ZNF516: variants seen among roughly 807,000 people sequenced by gnomAD.
ZNF516 encodes zinc finger protein 516.
In ZNF516, 19 loss-of-function variants were observed where a neutral mutation model predicts 79.7. The ratio of observed to expected loss-of-function variants is 0.24; its 90% CI spans 0.17 to 0.35. The LOEUF (loss-of-function observed/expected upper bound fraction) is 0.35. ZNF516 is among the 10% of genes least tolerant of loss of function. The pLI, the probability that ZNF516 is intolerant of heterozygous loss-of-function variation, is 1.00. For synonymous variants in ZNF516, 877 were observed against 739.5 expected (o/e 1.19, Z -3.02); for missense variants, 1,678 against 1,679.5 (o/e 1.00, Z 0.02).
chr18:76,462,005 G>C (rs2145676828), intron 2 of ZNF516, among the ~76,000 whole-genome samples: 1 of 152,374 alleles, frequency 6.6e-6, no homozygotes, highest in African/African-American at 2.4e-5. Flanking sequence ...CGGATATCAA[G>C]CGTGCGGGCC....
At chr18:76,365,080 A>G (rs936771270) in intron 6 of ZNF516, among the ~76,000 whole-genome samples, 60 of 152,334 alleles carry the variant, frequency 3.9e-4, no homozygotes, top group African/African-American at 1.4e-3. Flanking sequence ...AAATGTACCA[A>G]CCTACGTGAT....
At chr18:76,434,692 A>T (rs2075707043) in intron 3 of ZNF516, among the ~76,000 whole-genome samples, 1 of 152,164 alleles carries the variant, frequency 6.6e-6, no homozygotes, top group Admixed American at 6.5e-5. Context: ...TCCTGGGACT[A>T]CGCATTCCTG....
At chr18:76,457,176 T>C (rs1912782527) in intron 2 of ZNF516, among the ~76,000 whole-genome samples, 1 of 152,232 alleles carries the variant, frequency 6.6e-6, no homozygotes, top group South Asian at 2.1e-4. Flanking sequence ...AAGAAAATGA[T>C]CTACAAATGC....
chr18:76,481,766 G>C (rs959715735), intron 1 of ZNF516, among the ~76,000 whole-genome samples: 1 of 152,142 alleles, frequency 6.6e-6, no homozygotes, highest in South Asian at 2.1e-4. Flanking sequence ...TTTATTTAGG[G>C]AACTAGTTAT....
intron 1 of ZNF516, among the ~76,000 whole-genome samples, chr18:76,473,527 T>C (rs9946711): frequency 0.46 from 69,228 of 151,896 alleles, 16,789 homozygotes; most frequent in East Asian, 0.62. Context: ...GTTGGCTGGG[T>C]GCGGTGGCTC....
At chr18:76,419,892 A>G (rs1346649817) in intron 3 of ZNF516, among the ~76,000 whole-genome samples, 1 of 152,256 alleles carries the variant, frequency 6.6e-6, no homozygotes, top group African/African-American at 2.4e-5. Flanking sequence ...CTTGTCTCAT[A>G]AACACTGCTC....
chr18:76,476,209 T>C (rs1256674321), intron 1 of ZNF516, among the ~76,000 whole-genome samples: 1 of 152,236 alleles, frequency 6.6e-6, no homozygotes, highest in African/African-American at 2.4e-5. Context: ...AGTAATGAGT[T>C]ATCTGCAGTG....
intron 1 of ZNF516, chr18:76,490,819 G>C: frequency 1.0e-6 from 1 of 985,494 alleles, no homozygotes. Flanking sequence ...GAGGGTCCGA[G>C]GGCTCCGTCC....
At chr18:76,492,679 G>T in intron 1 of ZNF516, 1 of 977,734 alleles carries the variant, frequency 1.0e-6, no homozygotes, top group Non-Finnish European at 1.2e-6. Flanking sequence ...AGGCACCAAG[G>T]CCAGAGAAAC....
intron 3 of ZNF516, among the ~76,000 whole-genome samples, chr18:76,389,798 C>T (rs533741674): frequency 2.6e-5 from 4 of 152,208 alleles, no homozygotes; most frequent in South Asian, 2.1e-4. Context: ...CTCTGAGGAG[C>T]GCTTACACAG....
At chr18:76,396,621 G>T (rs2075149795) in intron 3 of ZNF516, among the ~76,000 whole-genome samples, 1 of 152,108 alleles carries the variant, frequency 6.6e-6, no homozygotes, top group Non-Finnish European at 1.5e-5. Context: ...GAAATCAGGC[G>T]TCCAGATTTC....
At chr18:76,432,929 G>A (rs570421606) in intron 3 of ZNF516, among the ~76,000 whole-genome samples, 1 of 152,324 alleles carries the variant, frequency 6.6e-6, no homozygotes, top group Admixed American at 6.5e-5. Context: ...GAGGCGTGTA[G>A]GGCCAGAAGA....
chr18:76,453,610 A>G (rs1379850720), intron 2 of ZNF516, among the ~76,000 whole-genome samples: 1 of 152,250 alleles, frequency 6.6e-6, no homozygotes, highest in Non-Finnish European at 1.5e-5. Flanking sequence ...GATGAACTGC[A>G]GCAAGAACCC....
rs528605216 is a variant in ZNF516, at chr18:76,451,349, C to T, written c.-157-8138G>A. On this transcript the variant is annotated intron_variant, in intron 2 of 6. Coordinates refer to ENST00000443185, the MANE Select transcript of ZNF516 (RefSeq NM_014643.4). The surrounding 1 kb of genome is among the most constrained non-coding windows in gnomAD (Gnocchi z 6.0). ...GATGTCAGCCCGGGATGGATGTCCGCGGGTGCAGGGGGGTGACAGCCCGGT... is the reference window on the plus strand; with the variant it reads ...GATGTCAGCCCGGGATGGATGTCCGTGGGTGCAGGGGGGTGACAGCCCGGT... Among the ~76,000 whole-genome samples the T allele has an allele frequency of 8.9e-4, 135 of 152,176 alleles. 1 individual carries two copies. Among genetic ancestry groups the T allele is most frequent in the Non-Finnish European group, 1.7e-3 (114 of 68,006 alleles).
chr18:76,408,782 T>C (rs747167399), intron 3 of ZNF516, among the ~76,000 whole-genome samples: 1 of 152,258 alleles, frequency 6.6e-6, no homozygotes, highest in Non-Finnish European at 1.5e-5. Context: ...AGATTTCCAG[T>C]AATGTATCAC....
chr18:76,489,308 C>T (rs543133520), intron 1 of ZNF516, among the ~76,000 whole-genome samples: 82 of 152,268 alleles, frequency 5.4e-4, no homozygotes, highest in African/African-American at 1.8e-3. Flanking sequence ...CATTTTTCCC[C>T]ATTTGGTAAG....
chr18:76,435,328 T>C (rs971656628), intron 3 of ZNF516, among the ~76,000 whole-genome samples: 6 of 152,226 alleles, frequency 3.9e-5, no homozygotes, highest in African/African-American at 2.4e-5. Context: ...TCAGAAAATG[T>C]AGCACTCTGT....
chr18:76,418,566 C>T (rs1218820825), intron 3 of ZNF516, among the ~76,000 whole-genome samples: 1 of 152,032 alleles, frequency 6.6e-6, no homozygotes, highest in East Asian at 1.9e-4. Context: ...CTGTAACATA[C>T]GCTGCATCCT....
At chr18:76,484,102 C>A (rs375807293) in intron 1 of ZNF516, among the ~76,000 whole-genome samples, 17 of 152,338 alleles carry the variant, frequency 1.1e-4, no homozygotes, top group South Asian at 4.1e-4. Flanking sequence ...CATGACAACA[C>A]GCTTACCAAG....
Sources: allele counts gnomAD v4.1 joint callset (sites outside exome capture counted in the v4.1 genomes callset), GRCh38; gene constraint gnomAD v4.1.1; non-coding constraint Gnocchi (gnomAD v3.1); transcripts MANE v1.5; gene names NCBI Gene and HGNC (gene_info 2026-07-23, HGNC 2026-07-21).